PTPRQ: variants seen among roughly 807,000 people sequenced by gnomAD.
The protein encoded by PTPRQ is protein tyrosine phosphatase receptor type Q.
PTPRQ carries 199 observed loss-of-function variants against 246.0 expected under a neutral mutation model. The ratio of observed to expected loss-of-function variants is 0.81; its 90% CI spans 0.72 to 0.91. PTPRQ has a LOEUF of 0.91. Among genes scored for constraint, PTPRQ ranks in the 40% least tolerant of loss-of-function variants. PTPRQ has a pLI of 0.00. For missense variants in PTPRQ, 2,624 were observed against 2,528.4 expected (o/e 1.04, Z -0.81); for synonymous variants, 869 against 853.2 (o/e 1.02, Z -0.32).
Position 80,597,897 on chromosome 12 carries a change from T to C in PTPRQ, c.4610-7162T>C, listed in dbSNP as rs530910542. Among the ~76,000 whole-genome samples, 5 of 152,152 alleles carry C rather than the reference T, an allele frequency of 3.3e-5. No individual in the cohort carries two copies. The South Asian group carries it at 1.0e-3, about 31-fold the overall frequency. On this transcript the variant is annotated intron_variant, in intron 26 of 44. Transcript: ENST00000644991. ...GGACCACTGTTGTAGAAAGTTGTTT[T>C]ATAAACATGATGCTATTCTCAGAAA...
In PTPRQ at chr12:80,620,233, TC is replaced by T. The variant is rs1219365092; in HGVS notation, c.5471del (p.Pro1824LeufsTer21). On this transcript the variant is annotated frameshift_variant, in exon 32 of 45. Coordinates refer to ENST00000644991, the MANE Select transcript of PTPRQ (RefSeq NM_001145026.2). LOFTEE classifies it high-confidence loss of function. ...GGCCATATTTTACAAATGAAGGCTT[TC>T]CTAACCCTCCATGTACAGAAGGAAA... ...ARPYFTNEGF[P>X]NPPCTEGKTK... 1 of 1,549,344 alleles carries T rather than the reference TC, an allele frequency of 6.5e-7. No individual in the cohort carries two copies. Among genetic ancestry groups the T allele is most frequent in the South Asian group, 1.2e-5 (1 of 83,992 alleles).
intron 24 of PTPRQ, 36 bp downstream of exon 24, chr12:80,546,733 T>C (rs1367159170): frequency 1.3e-6 from 2 of 1,540,404 alleles, no homozygotes; most frequent in Admixed American, 4.1e-5. Context: ...ATGTTTCTTT[T>C]TATATTTAAC....
intron 17 of PTPRQ, among the ~76,000 whole-genome samples, chr12:80,532,403 T>G (rs1331025145): frequency 2.0e-5 from 3 of 151,998 alleles, no homozygotes; most frequent in Admixed American, 2.0e-4. Flanking sequence ...TTATTTTTAG[T>G]GGAGACAGGG....
rs186189891 is a variant in PTPRQ, at chr12:80,637,995, T to A, written c.5915+2922T>A. On this transcript the variant is annotated intron_variant, in intron 35 of 44. Transcript: ENST00000644991. ...ATCTACCCAGCTAATAGGCTGGGCATAGTGGCTCATGCCTGTAATCTCAGC... is the reference window on the plus strand; with the variant it reads ...ATCTACCCAGCTAATAGGCTGGGCAAAGTGGCTCATGCCTGTAATCTCAGC... 2.0e-3 allele frequency among the ~76,000 whole-genome samples: 300 copies of A among 152,224 alleles called. 2 individuals carry two copies. Among genetic ancestry groups the A allele is most frequent in the African/African-American group, 7.0e-3 (289 of 41,548 alleles).
intron 17 of PTPRQ, among the ~76,000 whole-genome samples, chr12:80,519,147 CT>C: frequency 6.6e-6 from 1 of 152,150 alleles, no homozygotes; most frequent in Middle Eastern, 3.4e-3. Context: ...GTCCTCTTCA[CT>C]TTTTTTCATC....
intron 38 of PTPRQ, 116 bp from the exon 39 acceptor site, chr12:80,657,869 G>A (rs956882482): frequency 6.1e-5 from 41 of 670,836 alleles, no homozygotes; most frequent in African/African-American, 9.6e-5. Flanking sequence ...AAAATTTACC[G>A]CCATCTGTGA....
At chr12:80,634,231 T>G (rs1440670574) in intron 34 of PTPRQ, among the ~76,000 whole-genome samples, 1 of 152,188 alleles carries the variant, frequency 6.6e-6, no homozygotes, top group Non-Finnish European at 1.5e-5. Flanking sequence ...CATATCATCC[T>G]TGATGTCCAA....
intron 37 of PTPRQ, 55 bp downstream of exon 37, chr12:80,649,724 C>A: frequency 1.3e-6 from 2 of 1,502,724 alleles, no homozygotes; most frequent in South Asian, 2.7e-5. Context: ...TTTCATGTGT[C>A]ACATTTCATG....
intron 25 of PTPRQ, among the ~76,000 whole-genome samples, chr12:80,563,344 C>T (rs916950516): frequency 6.6e-6 from 1 of 151,906 alleles, no homozygotes; most frequent in East Asian, 1.9e-4. Context: ...TAATCCCACT[C>T]GTGATTACTG....
At chr12:80,537,386 T>A (rs1896019576) in intron 19 of PTPRQ, among the ~76,000 whole-genome samples, 1 of 152,146 alleles carries the variant, frequency 6.6e-6, no homozygotes, top group African/African-American at 2.4e-5. Context: ...GCATGGCATA[T>A]CATGTTCTGC....
intron 17 of PTPRQ, among the ~76,000 whole-genome samples, chr12:80,520,132 C>A (rs910723891): frequency 6.6e-6 from 1 of 151,962 alleles, no homozygotes; most frequent in Admixed American, 6.6e-5. Context: ...CTCTCAGCCT[C>A]GTGGTCTCTA....
chr12:80,576,475 T>C (rs979511779), intron 25 of PTPRQ, among the ~76,000 whole-genome samples: 5 of 152,188 alleles, frequency 3.3e-5, no homozygotes, highest in African/African-American at 1.2e-4. Flanking sequence ...AAAGATATTT[T>C]AAATAACATT....
At chr12:80,528,741 G>A (rs116240667) in intron 17 of PTPRQ, among the ~76,000 whole-genome samples, 3,117 of 152,198 alleles carry the variant, frequency 0.02, 116 homozygotes, top group African/African-American at 0.071. Context: ...TCCATTCTCA[G>A]AGGATGAAAT....
chr12:80,547,340 A>G (rs1380166754), intron 24 of PTPRQ, among the ~76,000 whole-genome samples: 1 of 152,022 alleles, frequency 6.6e-6, no homozygotes, highest in African/African-American at 2.4e-5. Context: ...CAACTGCACC[A>G]TACCTTTAAA....
At chr12:80,489,800 G>A (rs907936990) in intron 9 of PTPRQ, among the ~76,000 whole-genome samples, 4 of 151,924 alleles carry the variant, frequency 2.6e-5, no homozygotes, top group Non-Finnish European at 5.9e-5. Flanking sequence ...TCATTTCCGT[G>A]GACTGCTCTT....
At chr12:80,484,681 A>G (rs1450483446) in intron 9 of PTPRQ, 76 bp downstream of exon 9, 1 of 1,500,390 alleles carries the variant, frequency 6.7e-7, no homozygotes, top group East Asian at 2.5e-5. Flanking sequence ...AAGATTTGCT[A>G]GCACCCACAC....
At chr12:80,597,610 T>A (rs558477494) in intron 26 of PTPRQ, among the ~76,000 whole-genome samples, 179 of 152,124 alleles carry the variant, frequency 1.2e-3, no homozygotes, top group African/African-American at 4.2e-3. Flanking sequence ...CCTTTTCCAA[T>A]CCACTCATTT....
intron 25 of PTPRQ, among the ~76,000 whole-genome samples, chr12:80,562,642 AATTTGT>A (rs749171797): frequency 3.9e-5 from 6 of 152,174 alleles, no homozygotes; most frequent in Non-Finnish European, 8.8e-5. Flanking sequence ...AAAAGAAAGA[AATTTGT>A]AGCACTAAGT....
intron 8 of PTPRQ, among the ~76,000 whole-genome samples, chr12:80,474,264 A>G (rs1388727946): frequency 6.6e-6 from 1 of 152,190 alleles, no homozygotes; most frequent in African/African-American, 2.4e-5. Flanking sequence ...TTAGTATTCT[A>G]ATTAAAGTTA....
Sources: gnomAD v4.1 joint callset for allele counts (sites outside exome capture counted in the v4.1 genomes callset) on GRCh38, gnomAD v4.1.1 for gene constraint, MANE v1.5 for transcripts, NCBI Gene and HGNC (gene_info 2026-07-23, HGNC 2026-07-21) for gene names.